The following REPS2 variants were observed in gnomAD, a reference collection of about 807,000 sequenced individuals.
REPS2 encodes the protein RALBP1 associated Eps domain containing 2.
REPS2 carries 23 observed loss-of-function variants against 53.6 expected under a neutral mutation model. The observed-to-expected ratio is 0.43, with a 90% CI of 0.31 to 0.61. REPS2 has a LOEUF of 0.61. Ranked by LOEUF, REPS2 falls within the 20% of genes least tolerant of loss-of-function variation. The pLI is 0.11. For synonymous variants in REPS2, 238 were observed against 218.6 expected (o/e 1.09, Z -0.78); for missense variants, 446 against 534.9 (o/e 0.83, Z 1.64).
intron 1 of REPS2, among the ~76,000 whole-genome samples, chrX:16,984,573 A>G (rs2061067025): frequency 8.9e-6 from 1 of 112,338 alleles, no homozygotes; most frequent in South Asian, 3.7e-4. Context: ...CCATAGTTAC[A>G]AAATTATGAA....
intron 1 of REPS2, among the ~76,000 whole-genome samples, chrX:16,950,660 A>G (rs1026125457): frequency 8.9e-6 from 1 of 112,854 alleles, no homozygotes; most frequent in African/African-American, 3.2e-5. Context: ...ATCCAACACA[A>G]TCTCTGTCTT....
At chrX:16,986,202 G>T (rs1389167738) in intron 1 of REPS2, among the ~76,000 whole-genome samples, 1 of 111,731 alleles carries the variant, frequency 9.0e-6, no homozygotes, top group Non-Finnish European at 1.9e-5. Flanking sequence ...ATATGTGTCG[G>T]CTCTGTCAGC....
chrX:16,981,197 C>T (rs866338873), intron 1 of REPS2, among the ~76,000 whole-genome samples: 8 of 111,585 alleles, frequency 7.2e-5, no homozygotes, highest in Middle Eastern at 4.6e-3. Flanking sequence ...CCTTTCTTGT[C>T]CCACAGTACT....
At chrX:17,169,889 T>C in the REPS2 span, among the ~76,000 whole-genome samples, 1 of 111,179 alleles carries the variant, frequency 9.0e-6, no homozygotes, top group Non-Finnish European at 1.9e-5. Context: ...CTGAGATGAC[T>C]AGGGCTTAGG....
At chrX:17,007,723 A>G (rs1328373697) in intron 2 of REPS2, among the ~76,000 whole-genome samples, 1 of 112,118 alleles carries the variant, frequency 8.9e-6, no homozygotes, top group Admixed American at 9.4e-5. Flanking sequence ...GGAGAACACA[A>G]TTCTCTCCTG....
At chrX:17,103,329 TAGTGGCTGAGAGCTAGGGAGAA>T (rs1280132948) in intron 13 of REPS2, among the ~76,000 whole-genome samples, 1 of 111,754 alleles carries the variant, frequency 8.9e-6, no homozygotes, top group Non-Finnish European at 1.9e-5. Flanking sequence ...ATGAGCAGTG[TAGTGGCTGAGAGCTAGGGAGAA>T]ATATGAGAGA....
rs781266991 is a variant in REPS2, at chrX:17,047,369, T to A, written c.794T>A (p.Leu265Gln). The A allele has an allele frequency of 2.5e-6, 3 of 1,210,790 alleles. No individual in the cohort carries two copies. Among genetic ancestry groups the A allele is most frequent in the Admixed American group, 2.2e-5 (1 of 46,022 alleles). Residue 265 changes from leucine (L) to glutamine (Q), a missense_variant, in exon 6 of 18, where the codon CTA (leucine) becomes CAA (glutamine). By Grantham distance (113) the Leu-to-Gln change is moderately radical (BLOSUM62 -2). Coordinates refer to ENST00000357277, the MANE Select transcript of REPS2 (RefSeq NM_004726.3). ...LIRSFSVERE[L>Q]QDNSSYPDEP... ...CAGTCCTTTTCAGTGGAGAGGGAACTACAGGATAACAGCAGTTACCCCGAC... is the reference window on the plus strand; with the variant it reads ...CAGTCCTTTTCAGTGGAGAGGGAACAACAGGATAACAGCAGTTACCCCGAC...
rs2063557660 is a variant in REPS2 at position 17,150,322 on chromosome X, C to T, written c.*2841C>T. ...TCTATAGACAGAAGGTCAATGTTGT[C>T]CCCATCCATAGGGGTTGAATTACCT... On this transcript the variant is annotated 3_prime_UTR_variant, in exon 18 of 18. Transcript: ENST00000357277. 1 of 112,299 alleles carries T rather than the reference C, an allele frequency of 8.9e-6. No homozygotes were observed. Among genetic ancestry groups the T allele is most frequent in the Non-Finnish European group, 1.9e-5 (1 of 53,281 alleles). 9.3% of individuals were successfully genotyped at this position (112,299 alleles called of 1,213,427 possible).
chrX:17,065,535 C>T (rs2062213318), intron 9 of REPS2, among the ~76,000 whole-genome samples: 1 of 112,343 alleles, frequency 8.9e-6, no homozygotes. Context: ...AATATTAAAT[C>T]ACGAAGATGT....
chrX:17,146,308 G>A (rs1045096699), intron 17 of REPS2, among the ~76,000 whole-genome samples: 1 of 109,653 alleles, frequency 9.1e-6, no homozygotes, highest in African/African-American at 3.3e-5. Context: ...AAACTCACTC[G>A]CTCCTCAGGG....
chrX:17,162,397 G>A, the REPS2 span, among the ~76,000 whole-genome samples: 2 of 112,712 alleles, frequency 1.8e-5, no homozygotes, highest in African/African-American at 6.4e-5. Context: ...GGAATGAGAT[G>A]TTCATAGATG....
intron 1 of REPS2, among the ~76,000 whole-genome samples, chrX:16,970,605 T>C (rs1173195153): frequency 8.9e-6 from 1 of 112,406 alleles, no homozygotes; most frequent in Admixed American, 9.4e-5. Context: ...TTCACAGAAT[T>C]GTGCAACCAT....
In REPS2 at chrX:17,147,909, G is replaced by A. The variant is rs2063532189; in HGVS notation, c.*428G>A. ...GCTTTTTGTATGTATATCACATAGA[G>A]TAGGTTGGTTTCCTGAGTAATTGGG... On this transcript the variant is annotated 3_prime_UTR_variant, in exon 18 of 18. Coordinates refer to ENST00000357277, the MANE Select transcript of REPS2 (RefSeq NM_004726.3). 1 of 113,803 alleles carries A rather than the reference G, an allele frequency of 8.8e-6. No individual in the cohort carries two copies. The highest frequency in any genetic ancestry group is 9.4e-5 in the Admixed American group (1 of 10,682). The allele number at this position is 113,803 out of a possible 1,213,427, so 9.4% of individuals were successfully genotyped here. A position where few individuals can be genotyped will look rare whatever the true frequency, so the allele number is the denominator to read the frequency against.
At chrX:16,970,827 A>G (rs898272902) in intron 1 of REPS2, among the ~76,000 whole-genome samples, 1 of 112,599 alleles carries the variant, frequency 8.9e-6, no homozygotes. Context: ...TGTAGCACGT[A>G]TCAGCACTTC....
intron 2 of REPS2, among the ~76,000 whole-genome samples, chrX:17,012,668 A>G (rs1463365096): frequency 9.0e-6 from 1 of 111,023 alleles, no homozygotes; most frequent in African/African-American, 3.3e-5. Flanking sequence ...TGTGTTCCCC[A>G]AACTGGTTTA....
At chrX:17,145,160 C>T (rs1295651632) in intron 17 of REPS2, among the ~76,000 whole-genome samples, 2 of 111,507 alleles carry the variant, frequency 1.8e-5, no homozygotes, top group Non-Finnish European at 3.8e-5. Flanking sequence ...CTTGTGGGTC[C>T]GTGACTTTGA....
chrX:16,955,325 C>T (rs2060580027), intron 1 of REPS2, among the ~76,000 whole-genome samples: 1 of 111,550 alleles, frequency 9.0e-6, no homozygotes, highest in Non-Finnish European at 1.9e-5. Flanking sequence ...CCTAGGCAAA[C>T]TGGGATGGTC....
the REPS2 span, among the ~76,000 whole-genome samples, chrX:17,192,732 T>G: frequency 8.9e-6 from 1 of 112,212 alleles, no homozygotes; most frequent in Non-Finnish European, 1.9e-5. Flanking sequence ...CACATGAAGG[T>G]ATAGAACCAC....
chrX:16,966,967 G>A (rs1375451996), intron 1 of REPS2, among the ~76,000 whole-genome samples: 3 of 112,052 alleles, frequency 2.7e-5, no homozygotes, highest in Non-Finnish European at 3.8e-5. Context: ...AAGCATTCTT[G>A]TGTATTGGAA....
Sources: gnomAD v4.1 joint callset for allele counts (sites outside exome capture counted in the v4.1 genomes callset) on GRCh38, gnomAD v4.1.1 for gene constraint, MANE v1.5 for transcripts, NCBI Gene and HGNC (gene_info 2026-07-23, HGNC 2026-07-21) for gene names.